Variants in ARB2A observed in about 807,000 individuals in gnomAD.
The protein encoded by ARB2A is ARB2 cotranscriptional regulator A.
the ARB2A span, among the ~76,000 whole-genome samples, chr5:93,800,948 G>C: frequency 6.6e-6 from 1 of 151,942 alleles, no homozygotes; most frequent in Non-Finnish European, 1.5e-5. Flanking sequence ...AGTTACTTTT[G>C]AACTACGAAC....
chr5:93,727,184 G>A, the ARB2A span, among the ~76,000 whole-genome samples: 3 of 151,936 alleles, frequency 2.0e-5, no homozygotes, highest in Middle Eastern at 3.4e-3. Flanking sequence ...GTTTTTTTGT[G>A]GATAATTTCC....
chr5:94,065,522 GAA>G, the ARB2A span, among the ~76,000 whole-genome samples: 1 of 151,892 alleles, frequency 6.6e-6, no homozygotes, highest in East Asian at 1.9e-4. Context: ...TCCAAAAAAA[GAA>G]AAAGAGAAAG....
the ARB2A span, among the ~76,000 whole-genome samples, chr5:94,030,852 G>A: frequency 1.3e-5 from 2 of 152,148 alleles, no homozygotes; most frequent in South Asian, 2.1e-4. Flanking sequence ...GATATAAAAC[G>A]AGGTTGCCTC....
the ARB2A span, chr5:93,824,233 A>C: frequency 6.3e-7 from 1 of 1,595,430 alleles, no homozygotes; most frequent in Non-Finnish European, 8.5e-7. Context: ...ATGATCCCAA[A>C]CATAGATTGC....
At chr5:93,818,977 G>C in the ARB2A span, among the ~76,000 whole-genome samples, 1 of 151,832 alleles carries the variant, frequency 6.6e-6, no homozygotes, top group Non-Finnish European at 1.5e-5. Flanking sequence ...CACGAGGTCA[G>C]GAGATCGAGA....
chr5:93,819,323 A>G, the ARB2A span, among the ~76,000 whole-genome samples: 5 of 152,270 alleles, frequency 3.3e-5, no homozygotes, highest in African/African-American at 9.6e-5. Context: ...CTTTATCCTC[A>G]AGATATTTCT....
At chr5:94,046,546 G>T in the ARB2A span, among the ~76,000 whole-genome samples, 3 of 152,112 alleles carry the variant, frequency 2.0e-5, no homozygotes, top group African/African-American at 7.2e-5. Context: ...ACCCAGGAAG[G>T]CGCCAACTTA....
At chr5:93,655,713 T>C in the ARB2A span, among the ~76,000 whole-genome samples, 1 of 152,174 alleles carries the variant, frequency 6.6e-6, no homozygotes, top group Non-Finnish European at 1.5e-5. Context: ...AGACTGTATA[T>C]TGTTTTTAAG....
the ARB2A span, among the ~76,000 whole-genome samples, chr5:93,920,266 T>C: frequency 1.8e-4 from 27 of 152,148 alleles, no homozygotes; most frequent in African/African-American, 6.3e-4. Flanking sequence ...TTACATGGAT[T>C]ATTTCACATA....
the ARB2A span, among the ~76,000 whole-genome samples, chr5:94,037,124 A>G: frequency 2.0e-5 from 3 of 152,124 alleles, no homozygotes. Context: ...CATTCTGTTC[A>G]GTTGGTCTGT....
the ARB2A span, among the ~76,000 whole-genome samples, chr5:93,797,043 C>A: frequency 6.6e-6 from 1 of 152,074 alleles, no homozygotes; most frequent in African/African-American, 2.4e-5. Context: ...AGTTGATATA[C>A]TAGTGAACCA....
chr5:93,894,089 C>T, the ARB2A span, among the ~76,000 whole-genome samples: 1 of 152,084 alleles, frequency 6.6e-6, no homozygotes, highest in African/African-American at 2.4e-5. Context: ...AAAAAATGTA[C>T]TCAATTAGCT....
chr5:93,909,590 G>C, the ARB2A span, among the ~76,000 whole-genome samples: 2 of 150,562 alleles, frequency 1.3e-5, no homozygotes, highest in Non-Finnish European at 3.0e-5. Context: ...ATTAGTTATA[G>C]TCTAACATTT....
chr5:93,811,704 C>G, the ARB2A span, among the ~76,000 whole-genome samples: 1 of 152,086 alleles, frequency 6.6e-6, no homozygotes, highest in African/African-American at 2.4e-5. Context: ...ATGGGGATAA[C>G]AGTATCTCAT....
the ARB2A span, among the ~76,000 whole-genome samples, chr5:93,872,744 C>T: frequency 1.3e-5 from 2 of 151,740 alleles, no homozygotes; most frequent in African/African-American, 2.4e-5. Flanking sequence ...AGTGATACCC[C>T]GTCTCTACTA....
chr5:93,879,876 A>G, the ARB2A span, among the ~76,000 whole-genome samples: 33 of 151,914 alleles, frequency 2.2e-4, no homozygotes, highest in Admixed American at 2.2e-3. Context: ...TTATAATTTT[A>G]TATTTCAAAA....
the ARB2A span, among the ~76,000 whole-genome samples, chr5:93,833,554 T>A: frequency 6.6e-6 from 1 of 152,228 alleles, no homozygotes; most frequent in African/African-American, 2.4e-5. Flanking sequence ...GTAATTTTTA[T>A]CATATAAAAA....
chr5:94,071,244 A>C, the ARB2A span, among the ~76,000 whole-genome samples: 1 of 151,632 alleles, frequency 6.6e-6, no homozygotes, highest in Non-Finnish European at 1.5e-5. Context: ...TTTAAAAATT[A>C]ACTGAAAATA....
chr5:93,713,591 G>A, the ARB2A span, among the ~76,000 whole-genome samples: 1 of 152,130 alleles, frequency 6.6e-6, no homozygotes, highest in African/African-American at 2.4e-5. Flanking sequence ...GGACACCCTT[G>A]TACATTGTTG....
Sources: allele counts gnomAD v4.1 joint callset (sites outside exome capture counted in the v4.1 genomes callset), GRCh38; gene constraint gnomAD v4.1.1; transcripts MANE v1.5; gene names NCBI Gene and HGNC (gene_info 2026-07-23, HGNC 2026-07-21).